The following FAT2 variants were observed in gnomAD, a reference collection of about 807,000 sequenced individuals.
FAT2 encodes the protein protocadherin Fat 2.
A neutral mutation model predicts 295.3 loss-of-function variants in FAT2; 150 were observed. That is an observed-to-expected ratio of 0.51 (90% CI 0.44 to 0.58). FAT2 has a LOEUF of 0.58. Ranked by LOEUF, FAT2 falls within the 20% of genes least tolerant of loss-of-function variation. FAT2 has a pLI of 0.00. For synonymous variants in FAT2, 2,026 were observed against 2,150.3 expected, an observed-to-expected ratio of 0.94 and a Z score of 1.60; for missense variants, 4,868 against 5,442.7, an observed-to-expected ratio of 0.89 and a Z score of 3.32.
chr5:151,522,288 A>G (rs1753553578), intron 18 of FAT2: 1 of 549,172 alleles, frequency 1.8e-6, no homozygotes, highest in African/African-American at 1.9e-5. Context: ...AAGGTTTTGT[A>G]GAGATTGAAG....
Position 151,554,757 on chromosome 5 carries a change from C to A in FAT2, c.3634-84G>T, listed in dbSNP as rs573176084. ...TTTAACAACCTGGAAATAGTAGTCA[C>A]TTTGTTCTTTGGTATGAGCTTGTAC... is the stretch of plus-strand genomic sequence containing the variant. On this transcript the variant is annotated intron_variant, in intron 4 of 23. Transcript: ENST00000261800. 208 of 1,058,130 alleles carry A rather than the reference C, an allele frequency of 2.0e-4. 1 individual carries two copies. The South Asian group carries it at 3.0e-3, about 15-fold the overall frequency. 65.5% of individuals were successfully genotyped at this position (1,058,130 alleles called of 1,614,324 possible).
At chr5:151,532,446 A>G (rs1280910954) in intron 13 of FAT2, among the ~76,000 whole-genome samples, 1 of 152,020 alleles carries the variant, frequency 6.6e-6, no homozygotes, top group African/African-American at 2.4e-5. Flanking sequence ...GAAACTGGTG[A>G]AATCTGAGTA....
At chr5:151,527,799 G>A (rs184980914) in intron 16 of FAT2, among the ~76,000 whole-genome samples, 197 bp downstream of exon 16, 2 of 152,222 alleles carry the variant, frequency 1.3e-5, no homozygotes, top group African/African-American at 4.8e-5. Context: ...GGAAGGTTAC[G>A]GGGTCACTCA....
At chr5:151,522,114 C>G in intron 18 of FAT2, 28 bp from the exon 19 acceptor site, 3 of 1,520,084 alleles carry the variant, frequency 2.0e-6, no homozygotes, top group Non-Finnish European at 2.7e-6. Context: ...ACTGCTGTCA[C>G]CCAACAGAAC....
intron 1 of FAT2, among the ~76,000 whole-genome samples, chr5:151,583,997 C>CAAAAAAAAAAA (rs35453556): frequency 2.2e-5 from 1 of 46,046 alleles, no homozygotes; most frequent in Non-Finnish European, 3.5e-5. Flanking sequence ...GGCTCTGTCT[C>CAAAAAAAAAAA]AAAAAAAAAA....
At position 151,528,168 on chromosome 5, in the gene FAT2, C is replaced by G. The variant is rs1754219560; in HGVS notation, c.10027-35G>C. ...GGTAGGGGGATTGTGAATGGAGGGACAGGAATCTTGACCCCTGGGAGTACA... is the reference window on the plus strand; with the variant it reads ...GGTAGGGGGATTGTGAATGGAGGGAGAGGAATCTTGACCCCTGGGAGTACA... On this transcript the variant is annotated intron_variant, in intron 15 of 23. Coordinates refer to ENST00000261800, the MANE Select transcript of FAT2 (RefSeq NM_001447.3). 3.1e-6 allele frequency: 5 copies of G among 1,608,316 alleles called. No individual in the cohort carries two copies. In the East Asian group the frequency reaches 1.1e-4, roughly 36 times the overall value.
Position 151,568,692 on chromosome 5 carries a change from A to G in FAT2, c.240T>C (p.Asn80=), listed in dbSNP as rs202197076. 19 of 1,614,136 alleles carry G rather than the reference A, an allele frequency of 1.2e-5. No homozygotes were observed. In the East Asian group the frequency reaches 4.0e-4, roughly 34 times the overall value. Residue 80 remains asparagine, a synonymous_variant, in exon 2 of 24, where the codon AAT becomes AAC. Coordinates refer to ENST00000261800, the MANE Select transcript of FAT2 (RefSeq NM_001447.3). ...RYRIISGDVA[N]VFKTEEYVVG... ...CCACATACTCCTCAGTTTTAAATAC[A>G]TTGGCCACATCCCCAGAGATGATCC...
chr5:151,590,822 A>G (rs1759369801), intron 1 of FAT2, among the ~76,000 whole-genome samples: 1 of 152,218 alleles, frequency 6.6e-6, no homozygotes, highest in Non-Finnish European at 1.5e-5. Context: ...TCATCTCCAG[A>G]AAGCCCAAGT....
At position 151,507,203 on chromosome 5, in the gene FAT2, G is replaced by A. The variant is rs111771262; in HGVS notation, c.12468C>T (p.His4156=). 16 of 1,610,654 alleles carry A rather than the reference G, an allele frequency of 9.9e-6. No individual in the cohort carries two copies. The highest frequency in any genetic ancestry group is 1.7e-4 in the Middle Eastern group (1 of 6,046). Residue 4156 remains histidine, a synonymous_variant, in exon 23 of 24, where the codon CAC becomes CAT. Transcript: ENST00000261800. Reference sequence around the variant, plus strand: ...TCTTAATGACAGGCTCATTGTCAGAGTGGGAAGGGACCGCAGCTGGCGGGA... The same window carrying A: ...TCTTAATGACAGGCTCATTGTCAGAATGGGAAGGGACCGCAGCTGGCGGGA... ...PRLPPAAVPS[H]SDNEPVIKRT... is the part of the protein sequence containing the mutation.
At chr5:151,559,248 T>A (rs534804872) in intron 3 of FAT2, among the ~76,000 whole-genome samples, 22 of 152,272 alleles carry the variant, frequency 1.4e-4, no homozygotes, top group Non-Finnish European at 2.6e-4. Flanking sequence ...TCATTCCGGC[T>A]TTTTCTTCCC....
At chr5:151,538,979 T>C in intron 11 of FAT2, among the ~76,000 whole-genome samples, 1 of 151,974 alleles carries the variant, frequency 6.6e-6, no homozygotes, top group Non-Finnish European at 1.5e-5. Flanking sequence ...GATGGAAGTT[T>C]TATGTGTGGA....
intron 1 of FAT2, among the ~76,000 whole-genome samples, chr5:151,573,252 T>C (rs1758607289): frequency 6.6e-6 from 1 of 152,230 alleles, no homozygotes; most frequent in Admixed American, 6.5e-5. Flanking sequence ...AGTTAGTTAA[T>C]GCACATAAGT....
chr5:151,520,057 AAC>A (rs1753284112), intron 19 of FAT2, among the ~76,000 whole-genome samples: 1 of 152,248 alleles, frequency 6.6e-6, no homozygotes, highest in South Asian at 2.1e-4. Context: ...TGGGGCAAGA[AAC>A]ACAGAGAAGG....
At chr5:151,588,887 A>G (rs1428386382) in intron 1 of FAT2, among the ~76,000 whole-genome samples, 5 of 152,270 alleles carry the variant, frequency 3.3e-5, no homozygotes, top group African/African-American at 9.6e-5. Context: ...TCTCACATCA[A>G]TTCTCTGAAG....
At chr5:151,578,829 C>T (rs1404959215) in intron 1 of FAT2, among the ~76,000 whole-genome samples, 1 of 152,158 alleles carries the variant, frequency 6.6e-6, no homozygotes, top group Non-Finnish European at 1.5e-5. Context: ...CGCATATGAA[C>T]CCGGAGGGCA....
chr5:151,565,223 GA>G (rs1243092873), intron 2 of FAT2, among the ~76,000 whole-genome samples: 1 of 151,956 alleles, frequency 6.6e-6, no homozygotes, highest in African/African-American at 2.4e-5. Context: ...TATATGACAT[GA>G]AAAAAGTAAA....
intron 1 of FAT2, among the ~76,000 whole-genome samples, chr5:151,589,106 A>C (rs953688883): frequency 2.6e-5 from 4 of 152,202 alleles, no homozygotes; most frequent in Non-Finnish European, 5.9e-5. Context: ...CTCAGTTTGC[A>C]TTCTAGGGGC....
At chr5:151,590,938 C>G (rs777201901) in intron 1 of FAT2, among the ~76,000 whole-genome samples, 2 of 152,148 alleles carry the variant, frequency 1.3e-5, no homozygotes, top group Non-Finnish European at 2.9e-5. Flanking sequence ...TGCTGGGCCC[C>G]GATCCCCAGC....
chr5:151,537,935 A>G lies in FAT2; in HGVS notation c.9051T>C (p.Thr3017=), dbSNP rs776273539. 1.2e-6 allele frequency: 2 copies of G among 1,613,954 alleles called. No homozygotes were observed. The highest frequency in any genetic ancestry group is 1.7e-6 in the Non-Finnish European group (2 of 1,179,918). The change falls in exon 12 of 24, where the codon ACT becomes ACC. Residue 3017 remains threonine (T), a synonymous_variant. Transcript: ENST00000261800. Reference sequence around the variant, plus strand: ...GAAATACATCTTCATGAACCTTGCCAGTATAGAGAAGCTAGAGATGGAAAG... The same window carrying G: ...GAAATACATCTTCATGAACCTTGCCGGTATAGAGAAGCTAGAGATGGAAAG... The part of the protein sequence containing the change: ...NSPQCSQLLY[T]GKVHEDVFPG...
Sources: gnomAD v4.1 joint callset for allele counts (sites outside exome capture counted in the v4.1 genomes callset) on GRCh38, gnomAD v4.1.1 for gene constraint, MANE v1.5 for transcripts, NCBI Gene and HGNC (gene_info 2026-07-23, HGNC 2026-07-21) for gene names.